Variants in CDH18 observed in about 807,000 individuals in gnomAD.
CDH18 encodes the protein cadherin-18.
A neutral mutation model predicts 67.9 loss-of-function variants in CDH18; 31 were observed. The ratio of observed to expected loss-of-function variants is 0.46; its 90% CI spans 0.34 to 0.62. The LOEUF is 0.62. CDH18 is among the 20% of genes least tolerant of loss of function. CDH18 has a pLI of 0.01. For synonymous variants in CDH18, 362 were observed against 347.2 expected, an observed-to-expected ratio of 1.04 and a Z score of -0.48; for missense variants, 890 against 975.5, an observed-to-expected ratio of 0.91 and a Z score of 1.17.
intron 2 of CDH18, among the ~76,000 whole-genome samples, chr5:19,896,127 C>A (rs149829865): frequency 1.3e-5 from 2 of 151,958 alleles, no homozygotes; most frequent in Admixed American, 6.6e-5. Flanking sequence ...GAGGCCAATG[C>A]GGGCAGATCA....
At chr5:19,833,026 T>G (rs750592152) in intron 3 of CDH18, among the ~76,000 whole-genome samples, 1 of 152,182 alleles carries the variant, frequency 6.6e-6, no homozygotes, top group Non-Finnish European at 1.5e-5. Flanking sequence ...TGATTTCATA[T>G]GCAATTTAAA....
At position 19,523,899 on chromosome 5, in the gene CDH18, T is replaced by C. The variant is rs1747326649; in HGVS notation, c.1391-3121A>G. Among the ~76,000 whole-genome samples, 7 of 152,262 alleles carry C rather than the reference T, an allele frequency of 4.6e-5. No individual in the cohort carries two copies. The South Asian group carries it at 1.4e-3, about 32-fold the overall frequency. ...TGGATACAAAACTTTGATGCATTTATATCATACAGAAAATAAATAACAACA... is the reference window on the plus strand; with the variant it reads ...TGGATACAAAACTTTGATGCATTTACATCATACAGAAAATAAATAACAACA... On this transcript the variant is annotated intron_variant, in intron 9 of 12. Transcript: ENST00000382275.
intron 2 of CDH18, among the ~76,000 whole-genome samples, chr5:20,071,320 G>A (rs999047565): frequency 2.0e-5 from 3 of 151,930 alleles, no homozygotes; most frequent in Non-Finnish European, 2.9e-5. Context: ...TCTTTAGGGT[G>A]TTTGAGAGTG....
chr5:19,659,416 T>C (rs1163981613), intron 5 of CDH18, among the ~76,000 whole-genome samples: 1 of 152,080 alleles, frequency 6.6e-6, no homozygotes, highest in African/African-American at 2.4e-5. Flanking sequence ...AAACAAATAG[T>C]AAATAAGAAA....
rs77515555 is a variant in CDH18, at chr5:20,509,128, C to T, written c.-580+66334G>A. Among the ~76,000 whole-genome samples the T allele has an allele frequency of 5.9e-4, 89 of 152,124 alleles. 1 individual carries two copies. The East Asian group carries it at 0.014, about 24-fold the overall frequency. On this transcript the variant is annotated intron_variant, in intron 1 of 14. Coordinates refer to the CDH18 transcript ENST00000507958. ...TAAAATCTGCTCTCTTTTTAATTGTCAAATATACAATACATTGTTATCAAT... is the reference window on the plus strand; with the variant it reads ...TAAAATCTGCTCTCTTTTTAATTGTTAAATATACAATACATTGTTATCAAT...
intron 2 of CDH18, among the ~76,000 whole-genome samples, chr5:19,910,360 T>C (rs1382912203): frequency 1.3e-4 from 20 of 152,140 alleles, no homozygotes; most frequent in Admixed American, 1.3e-3. Flanking sequence ...ACAAGCACAT[T>C]TTCCTTAAGG....
intron 5 of CDH18, among the ~76,000 whole-genome samples, chr5:19,681,905 T>C (rs1480572911): frequency 1.3e-5 from 2 of 152,076 alleles, no homozygotes; most frequent in East Asian, 1.9e-4. Context: ...TACTTCCCCT[T>C]GTTTAAAGAT....
At chr5:19,855,118 T>C (rs1784127282) in intron 2 of CDH18, among the ~76,000 whole-genome samples, 1 of 152,146 alleles carries the variant, frequency 6.6e-6, no homozygotes, top group Admixed American at 6.6e-5. Flanking sequence ...TGACTAGGTG[T>C]GTCCTAGGAC....
intron 2 of CDH18, among the ~76,000 whole-genome samples, chr5:20,072,182 A>G (rs1456778041): frequency 6.6e-6 from 1 of 152,070 alleles, no homozygotes. Flanking sequence ...TCTCAAGGAA[A>G]ACTACACAGT....
chr5:19,510,192 A>C (rs1363708915), intron 10 of CDH18, among the ~76,000 whole-genome samples: 1 of 152,112 alleles, frequency 6.6e-6, no homozygotes, highest in Non-Finnish European at 1.5e-5. Flanking sequence ...TCTTATTCCA[A>C]CTCTGCATCA....
At chr5:20,001,100 C>T (rs1283851959) in intron 2 of CDH18, among the ~76,000 whole-genome samples, 4 of 152,120 alleles carry the variant, frequency 2.6e-5, no homozygotes, top group African/African-American at 9.7e-5. Flanking sequence ...TATTCTACAG[C>T]ATGCAAAATT....
chr5:19,725,518 C>G (rs921468375), intron 4 of CDH18, among the ~76,000 whole-genome samples: 3 of 152,044 alleles, frequency 2.0e-5, no homozygotes, highest in African/African-American at 7.2e-5. Flanking sequence ...GCCTGTAATC[C>G]CAGCAATTTG....
In CDH18 at chr5:19,620,203, A is replaced by G. The variant is rs141972965; in HGVS notation, c.644-7602T>C. On this transcript the variant is annotated intron_variant, in intron 5 of 12. Transcript: ENST00000382275. The stretch of plus-strand genomic sequence containing the variant: ...ATGAAAATTGATGGTGAAGTAGTTT[A>G]TTTCTGCTGAGGAGAAAAGGAAGGA... Among the ~76,000 whole-genome samples the G allele has an allele frequency of 9.6e-4, 146 of 152,340 alleles. 2 individuals are homozygous for G. The East Asian group carries it at 0.025, about 26-fold the overall frequency.
At chr5:19,814,712 T>C (rs1779108008) in intron 3 of CDH18, among the ~76,000 whole-genome samples, 2 of 151,976 alleles carry the variant, frequency 1.3e-5, no homozygotes, top group Non-Finnish European at 1.5e-5. Flanking sequence ...TTTCATTTTT[T>C]ATTCTGATAA....
intron 3 of CDH18, among the ~76,000 whole-genome samples, chr5:19,753,129 A>AC (rs911206661): frequency 2.6e-5 from 4 of 151,932 alleles, no homozygotes; most frequent in African/African-American, 9.7e-5. Flanking sequence ...GCTCTTTAAC[A>AC]CCCCCAAAAA....
At chr5:19,763,966 T>C (rs565563156) in intron 3 of CDH18, among the ~76,000 whole-genome samples, 2 of 124,402 alleles carry the variant, frequency 1.6e-5, no homozygotes, top group Admixed American at 2.1e-4. Context: ...CTGACCAACA[T>C]GATGAAACCT....
rs201996992 is a variant in CDH18 at position 19,473,329 on chromosome 5, G to A, written c.2270C>T (p.Thr757Met). The change falls in exon 13 of 13, where the codon ACG becomes ATG. Residue 757 changes from threonine to methionine, a missense_variant. Thr to Met is a moderately conservative substitution (Grantham distance 81). Coordinates refer to ENST00000382275, the MANE Select transcript of CDH18 (RefSeq NM_004934.5). ...GTGATAATCCTGGTCTGATTGTGTC[G>A]TTGCTGAATCCAGCGAGCTGATAGA... ...AGSISSLDSATTQSDQDYHYL... is the reference protein window; with the variant it reads ...AGSISSLDSAMTQSDQDYHYL... The A allele has an allele frequency of 7.9e-5, 128 of 1,613,786 alleles. No homozygotes were observed. The highest frequency in any genetic ancestry group is 7.6e-5 in the Non-Finnish European group (90 of 1,179,866).
chr5:20,540,683 A>G (rs999178138), intron 1 of CDH18, among the ~76,000 whole-genome samples: 50 of 152,314 alleles, frequency 3.3e-4, no homozygotes, highest in African/African-American at 1.1e-3. Flanking sequence ...GCACATCTAG[A>G]TGTTGTCATT....
At chr5:19,524,111 GAT>G (rs1747360701) in intron 9 of CDH18, among the ~76,000 whole-genome samples, 2 of 151,764 alleles carry the variant, frequency 1.3e-5, no homozygotes, top group Admixed American at 1.3e-4. Context: ...TAAGTACAGA[GAT>G]GTGTTAAAAT....
Sources: gnomAD v4.1 joint callset for allele counts (sites outside exome capture counted in the v4.1 genomes callset) on GRCh38, gnomAD v4.1.1 for gene constraint, MANE v1.5 for transcripts, NCBI Gene and HGNC (gene_info 2026-07-23, HGNC 2026-07-21) for gene names.